Variants in CTTNBP2 observed in about 807,000 individuals in gnomAD.
The protein encoded by CTTNBP2 is cortactin-binding protein 2.
A neutral mutation model predicts 156.9 loss-of-function variants in CTTNBP2; 108 were observed. That is an observed-to-expected ratio of 0.69 (90% confidence interval 0.59 to 0.81). The LOEUF is 0.81. CTTNBP2 is among the 30% of genes least tolerant of loss of function. The pLI is 0.00. For missense variants in CTTNBP2, 1,924 were observed against 2,035.4 expected (o/e 0.95, Z 1.05); for synonymous variants, 767 against 751.8 (o/e 1.02, Z -0.33).
At chr7:117,791,013 TG>T (rs1458000184) in intron 4 of CTTNBP2, 114 bp downstream of exon 4, 5 of 744,048 alleles carry the variant, frequency 6.7e-6, no homozygotes, top group Non-Finnish European at 1.1e-5. Flanking sequence ...GAAATGGGGG[TG>T]GGGGGAAGCA....
intron 2 of CTTNBP2, among the ~76,000 whole-genome samples, chr7:117,837,284 TAAC>T (rs1802015281): frequency 6.6e-6 from 1 of 152,148 alleles, no homozygotes; most frequent in South Asian, 2.1e-4. Flanking sequence ...AAACCACCAA[TAAC>T]AACAAAATGT....
intron 10 of CTTNBP2, chr7:117,758,215 GGA>G (rs1324130013): frequency 1.5e-5 from 7 of 473,452 alleles, no homozygotes; most frequent in Admixed American, 1.2e-4. Flanking sequence ...AGGGATTCAG[GGA>G]GAGATCTAGA....
chr7:117,725,283 C>G, intron 17 of CTTNBP2, 26 bp from the exon 18 acceptor site: 1 of 1,597,578 alleles, frequency 6.3e-7, no homozygotes, highest in Non-Finnish European at 8.6e-7. Context: ...CCGATTCATC[C>G]CTTAGGAGCA....
At chr7:117,821,982 C>G (rs111233753) in intron 2 of CTTNBP2, among the ~76,000 whole-genome samples, 3 of 152,176 alleles carry the variant, frequency 2.0e-5, no homozygotes, top group African/African-American at 7.2e-5. Context: ...GATACTCTGA[C>G]CTCATAAAAT....
At chr7:117,868,224 T>G (rs768164440) in intron 1 of CTTNBP2, among the ~76,000 whole-genome samples, 2 of 152,200 alleles carry the variant, frequency 1.3e-5, no homozygotes, top group Non-Finnish European at 2.9e-5. Flanking sequence ...AAGCTTACAA[T>G]GCATTAAAGA....
Position 117,745,824 on chromosome 7 carries a change from T to G in CTTNBP2, c.3535+7A>C. On this transcript the variant is annotated splice_region_variant and intron_variant, in intron 14 of 22. Coordinates refer to ENST00000160373, the MANE Select transcript of CTTNBP2 (RefSeq NM_033427.3). Reference sequence around the variant, plus strand: ...TTATCACAGGCAATTTGCTGAAATGTTCTTACCGCTACTAATGAACAGGTC... The same window carrying G: ...TTATCACAGGCAATTTGCTGAAATGGTCTTACCGCTACTAATGAACAGGTC... 1 of 1,603,050 alleles carries G rather than the reference T, an allele frequency of 6.2e-7. No homozygotes were observed. Among genetic ancestry groups the G allele is most frequent in the Non-Finnish European group, 8.5e-7 (1 of 1,169,982 alleles).
At chr7:117,759,259 G>C (rs565656693) in intron 10 of CTTNBP2, among the ~76,000 whole-genome samples, 2 of 152,052 alleles carry the variant, frequency 1.3e-5, no homozygotes, top group East Asian at 3.9e-4. Context: ...AGGTGCATGT[G>C]ACCGCACCCA....
At chr7:117,773,648 AACACACACACACAC>A (rs71528190) in intron 8 of CTTNBP2, among the ~76,000 whole-genome samples, 2,199 of 95,118 alleles carry the variant, frequency 0.023, 79 homozygotes, top group African/African-American at 0.075. Flanking sequence ...GCTTAGAGTT[AACACACACACACAC>A]ACACACACAC....
intron 1 of CTTNBP2, among the ~76,000 whole-genome samples, chr7:117,869,577 G>C (rs1804438312): frequency 6.6e-6 from 1 of 152,140 alleles, no homozygotes; most frequent in Admixed American, 6.5e-5. Flanking sequence ...TAAGTACCAA[G>C]GCTGTGAAAC....
intron 4 of CTTNBP2, among the ~76,000 whole-genome samples, chr7:117,790,011 A>G (rs1798905364): frequency 6.6e-6 from 1 of 152,240 alleles, no homozygotes; most frequent in Non-Finnish European, 1.5e-5. Context: ...GATAATTAGC[A>G]AATATGATGC....
intron 10 of CTTNBP2, among the ~76,000 whole-genome samples, chr7:117,758,779 C>G (rs143724315): frequency 2.0e-5 from 3 of 152,218 alleles, no homozygotes; most frequent in African/African-American, 7.2e-5. Flanking sequence ...CCTTTATCCA[C>G]AAAACTCAAC....
At chr7:117,772,630 G>C (rs2116731281) in intron 8 of CTTNBP2, among the ~76,000 whole-genome samples, 1 of 152,288 alleles carries the variant, frequency 6.6e-6, no homozygotes, top group South Asian at 2.1e-4. Flanking sequence ...GGGTTGTACT[G>C]AGAAAACTGG....
chr7:117,861,213 AG>A lies in CTTNBP2; in HGVS notation c.184del (p.Leu62CysfsTer19). The part of the protein sequence containing the change: ...LEARDLVIEA[L>X]RARRKEVFIQ... ...CCACTCCTGTGTCGTCCTTACCCGC[AG>A]GGCCTCGATGACAAGGTCTCTGGCC... On this transcript the variant is annotated frameshift_variant, in exon 2 of 23. Coordinates refer to ENST00000160373, the MANE Select transcript of CTTNBP2 (RefSeq NM_033427.3). LOFTEE classifies it high-confidence loss of function. 6.2e-7 allele frequency: 1 copy of A among 1,608,360 alleles called. No homozygotes were observed. Among genetic ancestry groups the A allele is most frequent in the Non-Finnish European group, 8.5e-7 (1 of 1,175,436 alleles).
chr7:117,823,030 T>C (rs1039100698), intron 2 of CTTNBP2, among the ~76,000 whole-genome samples: 3 of 152,224 alleles, frequency 2.0e-5, no homozygotes, highest in Admixed American at 6.5e-5. Flanking sequence ...TAAACACTTA[T>C]GTCTTTGTGA....
At chr7:117,795,799 A>T (rs1427228158) in intron 3 of CTTNBP2, among the ~76,000 whole-genome samples, 1 of 152,204 alleles carries the variant, frequency 6.6e-6, no homozygotes, top group Non-Finnish European at 1.5e-5. Flanking sequence ...TCCTATCTCA[A>T]ACTAATACAT....
At chr7:117,725,831 G>A (rs1795064787) in intron 17 of CTTNBP2, among the ~76,000 whole-genome samples, 1 of 152,140 alleles carries the variant, frequency 6.6e-6, no homozygotes, top group Admixed American at 6.5e-5. Flanking sequence ...GGGATTACAG[G>A]CGTGTGGCAA....
intron 22 of CTTNBP2, among the ~76,000 whole-genome samples, chr7:117,714,471 G>C (rs1794233629): frequency 6.6e-6 from 1 of 152,206 alleles, no homozygotes. Context: ...GAATCTGGTG[G>C]TGAGGGGAGT....
chr7:117,724,813 G>A, intron 18 of CTTNBP2, 81 bp from the exon 19 acceptor site: 1 of 1,492,312 alleles, frequency 6.7e-7, no homozygotes, highest in Non-Finnish European at 9.2e-7. Flanking sequence ...CAAAGATACG[G>A]ACTGTTCAAA....
chr7:117,848,249 T>A lies in CTTNBP2; in HGVS notation c.189+12960A>T, dbSNP rs565454464. On this transcript the variant is annotated intron_variant, in intron 2 of 22. Transcript: ENST00000160373. ...AGGTCACACAGCCCCATCTGCTTCC[T>A]GAGATGATCTGCTGCAGATTCAGTT... 2.6e-5 allele frequency among the ~76,000 whole-genome samples: 4 copies of A among 152,314 alleles called. No homozygotes were observed. In the South Asian group the frequency reaches 8.3e-4, roughly 32 times the overall value.
Sources: allele counts gnomAD v4.1 joint callset (sites outside exome capture counted in the v4.1 genomes callset), GRCh38; gene constraint gnomAD v4.1.1; transcripts MANE v1.5; gene names NCBI Gene and HGNC (gene_info 2026-07-23, HGNC 2026-07-21).